ZNF69: variants seen among roughly 807,000 people sequenced by gnomAD.
ZNF69 encodes the protein ZNF3.
In ZNF69, 47 loss-of-function variants were observed where a neutral mutation model predicts 50.9. The ratio of observed to expected loss-of-function variants is 0.92; its 90% confidence interval spans 0.73 to 1.18. The LOEUF is 1.18. Ranked by LOEUF, ZNF69 falls within the 50% of genes most tolerant of loss-of-function variation. ZNF69 has a pLI of 0.00. For missense variants in ZNF69, 717 were observed against 675.1 expected (o/e 1.06, Z -0.69); for synonymous variants, 216 against 223.1 (o/e 0.97, Z 0.29).
chr19:11,903,666 A>G lies in ZNF69; in HGVS notation c.157A>G (p.Met53Val). Reference sequence around the variant, plus strand: ...CCAGAGGAAACTCTACAAGGAAGTGATGCTGGAAACTTTCAGGAACCTGAC... The same window carrying G: ...CCAGAGGAAACTCTACAAGGAAGTGGTGCTGGAAACTTTCAGGAACCTGAC... ...ISQRKLYKEV[M>V]LETFRNLTSV... Residue 53 changes from methionine to valine, a missense_variant, in exon 2 of 4, where the codon ATG becomes GTG. By Grantham distance (21) the Met-to-Val change is conservative (BLOSUM62 1). Coordinates refer to ENST00000429654, the MANE Select transcript of ZNF69 (RefSeq NM_001364730.1). The G allele has an allele frequency of 1.2e-6, 2 of 1,614,128 alleles. No individual in the cohort carries two copies. Among genetic ancestry groups the G allele is most frequent in the Non-Finnish European group, 1.7e-6 (2 of 1,179,996 alleles).
At chr19:11,904,181 C>CCAG (rs1462862878) in intron 3 of ZNF69, among the ~76,000 whole-genome samples, 5 of 152,222 alleles carry the variant, frequency 3.3e-5, no homozygotes, top group Non-Finnish European at 7.4e-5. Flanking sequence ...TAGCTTGAGG[C>CCAG]CAGCAGTTCA....
intron 1 of ZNF69, among the ~76,000 whole-genome samples, chr19:11,902,738 A>G (rs571412393): frequency 1.3e-5 from 2 of 151,576 alleles, no homozygotes; most frequent in East Asian, 3.9e-4. Context: ...CAATATCATC[A>G]AAGATTACAC....
At chr19:11,979,721 CA>C in the ZNF69 span, 2 of 1,595,880 alleles carry the variant, frequency 1.3e-6, no homozygotes, top group Non-Finnish European at 1.7e-6. Context: ...CGAGTGTAAG[CA>C]ATGTGGGAAA....
chr19:11,942,162 G>A, the ZNF69 span, among the ~76,000 whole-genome samples: 1 of 150,470 alleles, frequency 6.6e-6, no homozygotes, highest in African/African-American at 2.5e-5. Context: ...TTCTACTTAG[G>A]TGTTTCCCCT....
At chr19:11,977,559 A>C in the ZNF69 span, 49 of 1,236,290 alleles carry the variant, frequency 4.0e-5, no homozygotes, top group African/African-American at 6.5e-4. Context: ...ATTTTCTCAA[A>C]ATCATATATT....
Position 11,906,249 on chromosome 19 carries a change from T to C in ZNF69, c.*151T>C. On this transcript the variant is annotated 3_prime_UTR_variant, in exon 4 of 4. Coordinates refer to ENST00000429654, the MANE Select transcript of ZNF69 (RefSeq NM_001364730.1). ...GGACACAAGCACACATAAGAATGCA[T>C]TCTGGATAGCTGAACAAAAGGCAGC... is the stretch of plus-strand genomic sequence containing the variant. 6.7e-7 allele frequency: 1 copy of C among 1,494,148 alleles called. No homozygotes were observed. Among genetic ancestry groups the C allele is most frequent in the Non-Finnish European group, 8.9e-7 (1 of 1,129,654 alleles). 92.6% of individuals were successfully genotyped at this position (1,494,148 alleles called of 1,614,324 possible).
chr19:11,963,088 A>AGAGAGT, the ZNF69 span, among the ~76,000 whole-genome samples: 3 of 138,250 alleles, frequency 2.2e-5, no homozygotes, highest in African/African-American at 9.1e-5. Flanking sequence ...AGAGAGAGAG[A>AGAGAGT]GTGTGTGTGT....
At chr19:11,921,593 T>A in the ZNF69 span, among the ~76,000 whole-genome samples, 1 of 151,510 alleles carries the variant, frequency 6.6e-6, no homozygotes, top group Non-Finnish European at 1.5e-5. Flanking sequence ...ACCTTCCAAC[T>A]CCCGGGTTCA....
chr19:11,977,226 T>G, the ZNF69 span: 3 of 1,607,704 alleles, frequency 1.9e-6, no homozygotes, highest in Non-Finnish European at 2.5e-6. Flanking sequence ...AGCTCATGAA[T>G]GCTGTTGAGT....
At chr19:11,948,853 C>A in the ZNF69 span, 1 of 1,606,844 alleles carries the variant, frequency 6.2e-7, no homozygotes. Context: ...TGGGGAGAAG[C>A]CCTATGAATG....
At chr19:11,928,004 T>C in the ZNF69 span, among the ~76,000 whole-genome samples, 1 of 151,962 alleles carries the variant, frequency 6.6e-6, no homozygotes, top group African/African-American at 2.4e-5. Context: ...TACAACAATT[T>C]TTTTTTTTTT....
At chr19:11,947,536 CA>C in the ZNF69 span, 2 of 1,613,360 alleles carry the variant, frequency 1.2e-6, no homozygotes, top group Non-Finnish European at 1.7e-6. Context: ...GTGACCAGAA[CA>C]TTGAATATGA....
At chr19:11,967,394 A>C in the ZNF69 span, among the ~76,000 whole-genome samples, 3 of 152,158 alleles carry the variant, frequency 2.0e-5, no homozygotes, top group African/African-American at 7.2e-5. Context: ...CTAACACAGC[A>C]AGACCCTGTC....
In ZNF69 at chr19:11,906,052, A is replaced by G. The variant is rs551914778; in HGVS notation, c.1655A>G (p.His552Arg). 2.1e-4 allele frequency: 336 copies of G among 1,613,310 alleles called. No individual in the cohort carries two copies. The highest frequency in any genetic ancestry group is 3.3e-4 in the Admixed American group (20 of 59,728). ...AGAGCTGCCTCAGTCCTTCGAATGC[A>G]TGGTAGGACTCACCCTGAAGATAAA... ...AFRAASVLRM[H>R]GRTHPEDKPY... Residue 552 changes from histidine to arginine, a missense_variant, in exon 4 of 4, where the codon CAT becomes CGT. Transcript: ENST00000429654.
At position 11,906,297 on chromosome 19, in the gene ZNF69, G is replaced by C. The variant is rs193044194; in HGVS notation, c.*199G>C. On this transcript the variant is annotated 3_prime_UTR_variant, in exon 4 of 4. Coordinates refer to ENST00000429654, the MANE Select transcript of ZNF69 (RefSeq NM_001364730.1). ...AGCAGAAACTTCTGCAGACTTAAATGTCCCTGTCTGACAGCTTTGAAGAGA... is the reference window on the plus strand; with the variant it reads ...AGCAGAAACTTCTGCAGACTTAAATCTCCCTGTCTGACAGCTTTGAAGAGA... The C allele has an allele frequency of 1.4e-4, 190 of 1,404,456 alleles. 1 individual carries two copies. The East Asian group carries it at 4.6e-3, about 34-fold the overall frequency. The allele number at this position is 1,404,456 out of a possible 1,614,324, so 87.0% of individuals were successfully genotyped here. A position where few individuals can be genotyped will look rare whatever the true frequency, so the allele number is the denominator to read the frequency against.
the ZNF69 span, among the ~76,000 whole-genome samples, chr19:11,933,279 G>GGAAA: frequency 1.4e-5 from 2 of 147,806 alleles, no homozygotes; most frequent in Non-Finnish European, 2.9e-5. Context: ...TTTAAACCAA[G>GGAAA]GAAACCATAT....
chr19:11,888,572 G>C (rs944566368), intron 1 of ZNF69, among the ~76,000 whole-genome samples: 11 of 152,146 alleles, frequency 7.2e-5, no homozygotes, highest in African/African-American at 2.7e-4. Context: ...AAGTGGTCCC[G>C]AGGCGGCTCA....
chr19:11,915,664 G>A (rs1972515761), downstream of ZNF69, among the ~76,000 whole-genome samples: 1 of 152,194 alleles, frequency 6.6e-6, no homozygotes, highest in African/African-American at 2.4e-5. Flanking sequence ...AGCACTTTGG[G>A]AGGCCGAGGT....
At chr19:11,937,209 G>T in the ZNF69 span, among the ~76,000 whole-genome samples, 1 of 152,134 alleles carries the variant, frequency 6.6e-6, no homozygotes. Context: ...TGTGAGTTTT[G>T]CATTTTCCAT....
Sources: gnomAD v4.1 joint callset for allele counts (sites outside exome capture counted in the v4.1 genomes callset) on GRCh38, gnomAD v4.1.1 for gene constraint, MANE v1.5 for transcripts, NCBI Gene and HGNC (gene_info 2026-07-23, HGNC 2026-07-21) for gene names.